Variants in KCNAB1 observed in about 807,000 individuals in gnomAD.
The protein encoded by KCNAB1 is potassium voltage-gated channel subfamily A regulatory beta subunit 1.
KCNAB1 carries 35 observed loss-of-function variants against 64.6 expected under a neutral mutation model. The ratio of observed to expected loss-of-function variants is 0.54; its 90% confidence interval spans 0.41 to 0.72. The LOEUF (loss-of-function observed/expected upper bound fraction) is 0.72, where lower values mean the gene tolerates loss of function less well. Among genes scored for constraint, KCNAB1 ranks in the 30% least tolerant of loss-of-function variants. The probability of loss-of-function intolerance (pLI) is 0.00; values close to 1 mark genes in which losing one functional copy is unlikely to be tolerated. For synonymous variants in KCNAB1, 177 were observed against 183.8 expected, an observed-to-expected ratio of 0.96 and a Z score of 0.30; for missense variants, 401 against 512.9, an observed-to-expected ratio of 0.78 and a Z score of 2.11.
intron 2 of KCNAB1, among the ~76,000 whole-genome samples, chr3:156,441,927 C>G (rs1044918615): frequency 2.6e-5 from 4 of 152,138 alleles, no homozygotes; most frequent in Admixed American, 2.0e-4. Flanking sequence ...AACTCTTGCT[C>G]ATGAATGGAT....
At position 156,181,692 on chromosome 3, in the gene KCNAB1, A is replaced by G. The variant is rs73876128; in HGVS notation, c.275+60806A>G. Among the ~76,000 whole-genome samples, 819 of 152,340 alleles carry G rather than the reference A, an allele frequency of 5.4e-3. 10 individuals carry two copies. The highest frequency in any genetic ancestry group is 0.018 in the African/African-American group (764 of 41,572). On this transcript the variant is annotated intron_variant, in intron 1 of 13. Coordinates refer to ENST00000490337, the MANE Select transcript of KCNAB1 (RefSeq NM_172160.3). ...AATGACTCCATGGAGGCTTACCTCA[A>G]TGAACCTGGTGACTAGTTGGCTGTG...
At position 156,209,241 on chromosome 3, in the gene KCNAB1, G is replaced by A. The variant is rs565749792; in HGVS notation, c.275+88355G>A. Reference sequence around the variant, plus strand: ...GAATGCTTCTGGAAGGGACGTGGGAGTTGAGCTGGAGTTGGATTAGGGTGG... The same window carrying A: ...GAATGCTTCTGGAAGGGACGTGGGAATTGAGCTGGAGTTGGATTAGGGTGG... On this transcript the variant is annotated intron_variant, in intron 1 of 13. Transcript: ENST00000490337. 3.9e-5 allele frequency among the ~76,000 whole-genome samples: 6 copies of A among 152,314 alleles called. 1 individual carries two copies. Among genetic ancestry groups the A allele is most frequent in the African/African-American group, 1.4e-4 (6 of 41,580 alleles).
chr3:156,538,847 A>T (rs1400955574), downstream of KCNAB1: 3 of 152,242 alleles, frequency 2.0e-5, no homozygotes, highest in Non-Finnish European at 4.4e-5. Context: ...ACTACTGAAG[A>T]TACCATTTCT....
chr3:156,299,738 C>T (rs1281059092), intron 1 of KCNAB1, among the ~76,000 whole-genome samples: 2 of 152,008 alleles, frequency 1.3e-5, no homozygotes, highest in Non-Finnish European at 2.9e-5. Flanking sequence ...TTGGAATCGA[C>T]AGCTAGGGAG....
intron 1 of KCNAB1, among the ~76,000 whole-genome samples, chr3:156,376,185 G>C (rs772448523): frequency 1.3e-5 from 2 of 152,194 alleles, no homozygotes; most frequent in Non-Finnish European, 2.9e-5. Flanking sequence ...ATGCCAGCTC[G>C]ATGTCCCCAT....
chr3:156,188,221 T>C (rs1471658821), intron 1 of KCNAB1, among the ~76,000 whole-genome samples: 1 of 151,926 alleles, frequency 6.6e-6, no homozygotes, highest in Non-Finnish European at 1.5e-5. Flanking sequence ...GGTTTTTTTT[T>C]TTCTGATTAT....
At chr3:156,194,490 C>T (rs1000859522) in intron 1 of KCNAB1, among the ~76,000 whole-genome samples, 3 of 151,916 alleles carry the variant, frequency 2.0e-5, no homozygotes, top group Non-Finnish European at 1.5e-5. Context: ...CCTTTGGCTT[C>T]TTTTTAACAT....
intron 1 of KCNAB1, among the ~76,000 whole-genome samples, chr3:156,181,918 A>G (rs963396909): frequency 2.0e-5 from 3 of 152,198 alleles, no homozygotes; most frequent in African/African-American, 7.2e-5. Flanking sequence ...TGGGAGTGAC[A>G]TTGGAGTATA....
chr3:156,237,183 A>G (rs995744000), intron 1 of KCNAB1, among the ~76,000 whole-genome samples: 7 of 152,230 alleles, frequency 4.6e-5, no homozygotes, highest in African/African-American at 1.4e-4. Context: ...AATTACTTCT[A>G]AATAATGTAC....
chr3:156,400,864 C>T (rs538902225), intron 1 of KCNAB1, among the ~76,000 whole-genome samples: 5 of 152,304 alleles, frequency 3.3e-5, no homozygotes, highest in Admixed American at 2.6e-4. Context: ...TCTCTGCTCC[C>T]ATCCTACCCC....
chr3:156,240,412 G>T (rs879367243), intron 1 of KCNAB1, among the ~76,000 whole-genome samples: 4 of 151,480 alleles, frequency 2.6e-5, no homozygotes, highest in Admixed American at 6.6e-5. Context: ...CTATTAAAAT[G>T]ACGTAAAGAG....
chr3:156,302,975 G>A (rs775035530), intron 1 of KCNAB1, among the ~76,000 whole-genome samples: 5 of 152,234 alleles, frequency 3.3e-5, no homozygotes, highest in Non-Finnish European at 7.3e-5. Context: ...GGGAGGCTCT[G>A]TTCACATCAC....
intron 1 of KCNAB1, chr3:156,291,112 T>A: frequency 1.0e-6 from 1 of 985,456 alleles, no homozygotes. Context: ...ACCCTCCCGA[T>A]TTGTTACAGC....
intron 1 of KCNAB1, among the ~76,000 whole-genome samples, chr3:156,197,076 T>C (rs554004083): frequency 6.6e-6 from 1 of 152,336 alleles, no homozygotes; most frequent in East Asian, 1.9e-4. Context: ...GTTTTTGTCA[T>C]TGGCTCTGTT....
intron 1 of KCNAB1, among the ~76,000 whole-genome samples, chr3:156,198,254 T>C (rs570334977): frequency 2.0e-4 from 31 of 152,324 alleles, no homozygotes; most frequent in African/African-American, 7.2e-4. Flanking sequence ...CTGAGAAGAA[T>C]GTATATTCTG....
chr3:156,287,628 A>G (rs1720172291), intron 1 of KCNAB1, among the ~76,000 whole-genome samples: 1 of 152,020 alleles, frequency 6.6e-6, no homozygotes, highest in East Asian at 1.9e-4. Flanking sequence ...GGAGTTTGAG[A>G]CCAGCCTGGC....
chr3:156,244,748 T>C (rs770746992), intron 1 of KCNAB1, among the ~76,000 whole-genome samples: 1 of 152,242 alleles, frequency 6.6e-6, no homozygotes, highest in Non-Finnish European at 1.5e-5. Flanking sequence ...AGAGTTATTC[T>C]AGTTTCCAGC....
intron 1 of KCNAB1, among the ~76,000 whole-genome samples, chr3:156,364,244 G>T (rs1725802433): frequency 6.6e-6 from 1 of 152,144 alleles, no homozygotes; most frequent in African/African-American, 2.4e-5. Flanking sequence ...CTCTCTCAGA[G>T]CAATTGAGAT....
chr3:156,470,772 C>T (rs1366215897), intron 7 of KCNAB1, among the ~76,000 whole-genome samples: 1 of 152,118 alleles, frequency 6.6e-6, no homozygotes, highest in Non-Finnish European at 1.5e-5. Context: ...AAATCTTAAA[C>T]TCTATGAACT....
Sources: gnomAD v4.1 joint callset for allele counts (sites outside exome capture counted in the v4.1 genomes callset) on GRCh38, gnomAD v4.1.1 for gene constraint, MANE v1.5 for transcripts, NCBI Gene and HGNC (gene_info 2026-07-23, HGNC 2026-07-21) for gene names.